The following NXPE2 variants were observed in gnomAD, a reference collection of about 807,000 sequenced individuals.
The protein encoded by NXPE2 is neurexophilin and PC-esterase domain family member 2.
A neutral mutation model predicts 34.4 loss-of-function variants in NXPE2; 34 were observed. The observed-to-expected ratio is 0.99, with a 90% CI of 0.75 to 1.31. The LOEUF is 1.31. Among genes scored for constraint, NXPE2 ranks in the 40% most tolerant of loss-of-function variants. The pLI is 0.00. For synonymous variants in NXPE2, 235 were observed against 231.3 expected (o/e 1.02, Z -0.15); for missense variants, 649 against 672.5 (o/e 0.97, Z 0.39).
the NXPE2 span, among the ~76,000 whole-genome samples, chr11:114,611,756 G>T: frequency 6.6e-6 from 1 of 151,600 alleles, no homozygotes. Flanking sequence ...ACTAAGTATT[G>T]CCTCATGGGT....
the NXPE2 span, among the ~76,000 whole-genome samples, chr11:114,617,317 C>T: frequency 6.6e-6 from 1 of 152,038 alleles, no homozygotes; most frequent in South Asian, 2.1e-4. Context: ...TAAGTTTTGC[C>T]TCGTGGGTAA....
chr11:114,617,573 C>T, the NXPE2 span, among the ~76,000 whole-genome samples: 6 of 150,650 alleles, frequency 4.0e-5, no homozygotes, highest in African/African-American at 7.3e-5. Flanking sequence ...AGTTGCCTCA[C>T]GGGTAACCGG....
the NXPE2 span, among the ~76,000 whole-genome samples, chr11:114,559,626 C>A: frequency 6.6e-6 from 1 of 150,596 alleles, no homozygotes; most frequent in Non-Finnish European, 1.5e-5. Flanking sequence ...TTTTTTGTTT[C>A]CCACACTTTC....
the NXPE2 span, among the ~76,000 whole-genome samples, chr11:114,712,925 A>T: frequency 2.0e-5 from 3 of 152,210 alleles, no homozygotes; most frequent in Non-Finnish European, 4.4e-5. Flanking sequence ...GCATATACAT[A>T]CAGTGAAAAA....
the NXPE2 span, among the ~76,000 whole-genome samples, chr11:114,516,102 C>T: frequency 6.6e-6 from 1 of 152,148 alleles, no homozygotes; most frequent in East Asian, 1.9e-4. Flanking sequence ...AGTCAAAATT[C>T]AAATGCAGAC....
chr11:114,510,076 T>TA, the NXPE2 span, among the ~76,000 whole-genome samples: 1 of 152,316 alleles, frequency 6.6e-6, no homozygotes, highest in East Asian at 1.9e-4. Flanking sequence ...ACTCTGTAGT[T>TA]ACAAAAAACC....
the NXPE2 span, among the ~76,000 whole-genome samples, chr11:114,655,572 T>C: frequency 6.6e-6 from 1 of 152,218 alleles, no homozygotes. Context: ...CACCATTTAC[T>C]GAATAGGAGA....
At chr11:114,753,386 C>T in the NXPE2 span, among the ~76,000 whole-genome samples, 1 of 138,708 alleles carries the variant, frequency 7.2e-6, no homozygotes, top group Non-Finnish European at 1.6e-5. Flanking sequence ...GAGCAAGACC[C>T]TGTCTTAGAA....
At chr11:114,523,066 G>A in the NXPE2 span, 2 of 1,613,212 alleles carry the variant, frequency 1.2e-6, no homozygotes, top group East Asian at 4.5e-5. Flanking sequence ...TTCCAACTTG[G>A]CATGTCTCTT....
At chr11:114,632,205 T>A in the NXPE2 span, among the ~76,000 whole-genome samples, 1 of 141,472 alleles carries the variant, frequency 7.1e-6, no homozygotes, top group Non-Finnish European at 1.5e-5. Context: ...TATATACATA[T>A]TATATATGTA....
At chr11:114,484,200 G>A in the NXPE2 span, among the ~76,000 whole-genome samples, 3 of 152,034 alleles carry the variant, frequency 2.0e-5, no homozygotes, top group Non-Finnish European at 2.9e-5. Context: ...CAACTCTGCC[G>A]TCCTTTCCAA....
At chr11:114,642,912 C>T in the NXPE2 span, among the ~76,000 whole-genome samples, 1 of 152,220 alleles carries the variant, frequency 6.6e-6, no homozygotes, top group South Asian at 2.1e-4. Flanking sequence ...TCTCCACATG[C>T]TCTCCAGCAT....
At chr11:114,490,986 C>CCCCG in the NXPE2 span, among the ~76,000 whole-genome samples, 2 of 150,158 alleles carry the variant, frequency 1.3e-5, no homozygotes, top group Non-Finnish European at 3.0e-5. Context: ...CAAGGTGAAA[C>CCCCG]CCCGTCTCTA....
the NXPE2 span, among the ~76,000 whole-genome samples, chr11:114,632,975 ATTATATATTT>A: frequency 9.6e-6 from 1 of 103,660 alleles, no homozygotes; most frequent in East Asian, 2.5e-4. Context: ...TATATTATAT[ATTATATATTT>A]TTATATAATA....
chr11:114,609,015 C>A, the NXPE2 span, among the ~76,000 whole-genome samples: 1 of 151,758 alleles, frequency 6.6e-6, no homozygotes, highest in Non-Finnish European at 1.5e-5. Context: ...TAAGTGTTGC[C>A]TTGTGGGTAA....
At chr11:114,633,139 T>A in the NXPE2 span, among the ~76,000 whole-genome samples, 1 of 125,816 alleles carries the variant, frequency 7.9e-6, no homozygotes, top group East Asian at 2.3e-4. Flanking sequence ...ATTTCATATA[T>A]TATTTTATAT....
chr11:114,669,430 C>T, the NXPE2 span, among the ~76,000 whole-genome samples: 3 of 152,024 alleles, frequency 2.0e-5, no homozygotes, highest in Non-Finnish European at 4.4e-5. Flanking sequence ...AATATCTTAC[C>T]TGAAGGGTAA....
At chr11:114,543,963 C>T in the NXPE2 span, among the ~76,000 whole-genome samples, 1 of 151,676 alleles carries the variant, frequency 6.6e-6, no homozygotes, top group Non-Finnish European at 1.5e-5. Context: ...TTTGAAATTA[C>T]AAAAAAGAAA....
chr11:114,686,667 A>G lies in NXPE2; in HGVS notation c.132+6905A>G, dbSNP rs369065233. ...GATTGCTGGGTTGAATGGCAATTATATTTTTAGTTATTTGAGAAATCTTCA... is the reference window on the plus strand; with the variant it reads ...GATTGCTGGGTTGAATGGCAATTATGTTTTTAGTTATTTGAGAAATCTTCA... On this transcript the variant is annotated intron_variant, in intron 2 of 5. Transcript: ENST00000389586. 9.2e-5 allele frequency among the ~76,000 whole-genome samples: 14 copies of G among 152,216 alleles called. No individual in the cohort carries two copies. The East Asian group carries it at 2.1e-3, about 23-fold the overall frequency.
Sources: allele counts gnomAD v4.1 joint callset (sites outside exome capture counted in the v4.1 genomes callset), GRCh38; gene constraint gnomAD v4.1.1; transcripts MANE v1.5; gene names NCBI Gene and HGNC (gene_info 2026-07-23, HGNC 2026-07-21).